The following CACNA2D4 variants were observed in gnomAD, a reference collection of about 807,000 sequenced individuals.
The protein encoded by CACNA2D4 is calcium voltage-gated channel auxiliary subunit alpha2delta 4.
Under a neutral mutation model 163.8 loss-of-function variants are expected in CACNA2D4, and 157 were observed. The observed-to-expected ratio is 0.96, with a 90% CI of 0.84 to 1.09. The LOEUF (loss-of-function observed/expected upper bound fraction) is 1.09, where lower values mean the gene tolerates loss of function less well. Among genes scored for constraint, CACNA2D4 ranks in the 50% least tolerant of loss-of-function variants. The pLI is 0.00. For missense variants in CACNA2D4, 1,410 were observed against 1,479.9 expected, an observed-to-expected ratio of 0.95 and a Z score of 0.78; for synonymous variants, 598 against 586.9, an observed-to-expected ratio of 1.02 and a Z score of -0.27.
intron 6 of CACNA2D4, among the ~76,000 whole-genome samples, chr12:1,897,182 A>G (rs974494430): frequency 8.5e-5 from 13 of 152,148 alleles, no homozygotes; most frequent in African/African-American, 1.9e-4. Context: ...AGTTGATCTC[A>G]TGGGGGTAGA....
At chr12:1,896,654 C>CACAAAA (rs1555186444) in intron 6 of CACNA2D4, among the ~76,000 whole-genome samples, 8 of 124,000 alleles carry the variant, frequency 6.5e-5, no homozygotes, top group African/African-American at 2.4e-4. Flanking sequence ...CACACACACA[C>CACAAAA]AAAACAGATG....
intron 13 of CACNA2D4, among the ~76,000 whole-genome samples, chr12:1,881,245 G>A (rs1294171851): frequency 6.6e-6 from 1 of 152,220 alleles, no homozygotes; most frequent in South Asian, 2.1e-4. Flanking sequence ...GTCTGTGTGC[G>A]TGGAGGTAAG....
In CACNA2D4 at chr12:1,829,837, C is replaced by T. The variant is rs1008277948; in HGVS notation, c.2551+10902G>A. On this transcript the variant is annotated intron_variant, in intron 26 of 37. Coordinates refer to ENST00000382722, the MANE Select transcript of CACNA2D4 (RefSeq NM_172364.5). The surrounding 1 kb of genome is among the most constrained non-coding windows in gnomAD (Gnocchi z 4.2). ...GTGGAACTGACCTCGGCTGGGCTGA[C>T]CTGGTGGGGCTGAACTATTTTGAAT... Among the ~76,000 whole-genome samples the T allele has an allele frequency of 7.2e-5, 11 of 151,970 alleles. No homozygotes were observed. Among genetic ancestry groups the T allele is most frequent in the Admixed American group, 6.5e-5 (1 of 15,272 alleles).
chr12:1,830,730 CTG>C (rs1457842948), intron 26 of CACNA2D4, among the ~76,000 whole-genome samples: 2 of 152,182 alleles, frequency 1.3e-5, no homozygotes, highest in African/African-American at 4.8e-5. Context: ...CCTGCAGACA[CTG>C]TGTGATGTCC....
At chr12:1,814,776 C>T (rs964047866) in intron 26 of CACNA2D4, among the ~76,000 whole-genome samples, 3 of 152,230 alleles carry the variant, frequency 2.0e-5, no homozygotes, top group Non-Finnish European at 2.9e-5. Context: ...CTGGCCCCCG[C>T]CTTGCATCCT....
At chr12:1,810,248 C>T (rs1467058962) in intron 29 of CACNA2D4, 30 bp downstream of exon 29, 4 of 1,581,168 alleles carry the variant, frequency 2.5e-6, no homozygotes, top group Non-Finnish European at 1.7e-6. Flanking sequence ...GCCGCCCTCT[C>T]CCCCTCATTC....
At chr12:1,852,951 G>A (rs569236030) in intron 23 of CACNA2D4, among the ~76,000 whole-genome samples, 1 of 152,238 alleles carries the variant, frequency 6.6e-6, no homozygotes, top group South Asian at 2.1e-4. Flanking sequence ...GGACTGCGGT[G>A]AGGATCAAAT....
Position 1,798,460 on chromosome 12 carries a change from G to A in CACNA2D4, c.2996-925C>T, listed in dbSNP as rs1863202536. Among the ~76,000 whole-genome samples, 1 of 152,154 alleles carries A rather than the reference G, an allele frequency of 6.6e-6. No individual in the cohort carries two copies. The highest frequency in any genetic ancestry group is 6.5e-5 in the Admixed American group (1 of 15,286). ...CAGCCAGAGCTGGAAACCCAGAGGG[G>A]ACACTAGCTGGCGTGCAGAAAACTC... On this transcript the variant is annotated intron_variant, in intron 34 of 37. Transcript: ENST00000382722. The surrounding 1 kb of genome is among the most constrained non-coding windows in gnomAD (Gnocchi z 4.3).
At position 1,861,796 on chromosome 12, in the gene CACNA2D4, ACCTAATTAGCT is replaced by A. The variant is rs574320009; in HGVS notation, c.1879-1601_1879-1591del. Among the ~76,000 whole-genome samples the A allele has an allele frequency of 1.3e-3, 204 of 151,974 alleles. 2 individuals carry two copies. The highest frequency in any genetic ancestry group is 8.7e-3 in the South Asian group (42 of 4,816). On this transcript the variant is annotated intron_variant, in intron 18 of 37. Coordinates refer to ENST00000382722, the MANE Select transcript of CACNA2D4 (RefSeq NM_172364.5). The stretch of plus-strand genomic sequence containing the variant: ...TGGATGCACAGATCTTCCATGTATT[ACCTAATTAGCT>A]TCGATACATGTATCCAGCCCTGTGA...
chr12:1,827,427 C>T (rs189078989), intron 26 of CACNA2D4: 5 of 152,970 alleles, frequency 3.3e-5, no homozygotes, highest in Non-Finnish European at 5.9e-5. Context: ...AGCATGAACC[C>T]CTGAGCTGAT....
intron 20 of CACNA2D4, among the ~76,000 whole-genome samples, chr12:1,857,993 A>T (rs563749461): frequency 8.5e-5 from 13 of 152,342 alleles, no homozygotes; most frequent in African/African-American, 3.1e-4. Flanking sequence ...TGAAGTGTGC[A>T]GCTGCAAGAC....
chr12:1,805,101 C>A (rs1175300365), intron 29 of CACNA2D4, among the ~76,000 whole-genome samples: 1 of 152,220 alleles, frequency 6.6e-6, no homozygotes, highest in Non-Finnish European at 1.5e-5. Flanking sequence ...CCCAGCCCCC[C>A]TTTCATGGGG....
At chr12:1,813,616 T>C (rs375258176) in intron 26 of CACNA2D4, among the ~76,000 whole-genome samples, 1 of 152,308 alleles carries the variant, frequency 6.6e-6, no homozygotes, top group East Asian at 1.9e-4. Context: ...AGTTTGCAGA[T>C]GAAGAAACCG....
chr12:1,918,392 G>A lies in CACNA2D4; in HGVS notation c.82C>T (p.Pro28Ser). 2 of 1,600,738 alleles carry A rather than the reference G, an allele frequency of 1.2e-6. No homozygotes were observed. The highest frequency in any genetic ancestry group is 1.7e-6 in the Non-Finnish European group (2 of 1,174,072). Residue 28 changes from proline to serine, a missense_variant, in exon 1 of 38, where the codon CCC becomes TCC. By Grantham distance (74) the Pro-to-Ser change is moderately conservative (BLOSUM62 -1). Transcript: ENST00000382722. Reference protein sequence around the residue: ...MPATPNFLANPSSSSRWIPLQ... With the variant: ...MPATPNFLANSSSSSRWIPLQ... ...GGAATCCAGCGGCTGCTGGAGCTGG[G>A]GTTTGCGAGGAAGTTGGGAGTTGCA...
chr12:1,814,042 G>A (rs1416813146), intron 26 of CACNA2D4, among the ~76,000 whole-genome samples: 1 of 152,170 alleles, frequency 6.6e-6, no homozygotes. Flanking sequence ...AGGATCATCA[G>A]AGCGAATCAC....
intron 29 of CACNA2D4, among the ~76,000 whole-genome samples, chr12:1,805,002 G>A (rs1863482595): frequency 6.6e-6 from 1 of 152,258 alleles, no homozygotes; most frequent in Non-Finnish European, 1.5e-5. Context: ...AGGTCCAAAC[G>A]TCGACGTGGG....
intron 24 of CACNA2D4, among the ~76,000 whole-genome samples, chr12:1,846,127 C>T (rs1044730586): frequency 7.9e-5 from 12 of 152,126 alleles, no homozygotes; most frequent in African/African-American, 2.9e-4. Context: ...CACAGGGCCC[C>T]AGCAGCACCT....
At position 1,861,810 on chromosome 12, in the gene CACNA2D4, G is replaced by A. The variant is rs534858261; in HGVS notation, c.1879-1604C>T. The stretch of plus-strand genomic sequence containing the variant: ...TTCCATGTATTACCTAATTAGCTTC[G>A]ATACATGTATCCAGCCCTGTGATTA... On this transcript the variant is annotated intron_variant, in intron 18 of 37. Transcript: ENST00000382722. Among the ~76,000 whole-genome samples the A allele has an allele frequency of 8.2e-4, 125 of 152,062 alleles. 4 individuals are homozygous for A. The Middle Eastern group carries it at 0.044, about 54-fold the overall frequency.
chr12:1,892,782 C>T (rs181589394), intron 6 of CACNA2D4, among the ~76,000 whole-genome samples: 151 of 151,858 alleles, frequency 9.9e-4, no homozygotes, highest in African/African-American at 3.4e-3. Flanking sequence ...CAGAATGAAA[C>T]GGAAGAAAAA....
Sources: allele counts gnomAD v4.1 joint callset (sites outside exome capture counted in the v4.1 genomes callset), GRCh38; gene constraint gnomAD v4.1.1; non-coding constraint Gnocchi (gnomAD v3.1); transcripts MANE v1.5; gene names NCBI Gene and HGNC (gene_info 2026-07-23, HGNC 2026-07-21).